TLE4: variants seen among roughly 807,000 people sequenced by gnomAD.
The protein encoded by TLE4 is TLE family member 4, transcriptional corepressor.
A neutral mutation model predicts 92.8 loss-of-function variants in TLE4; 8 were observed. The observed-to-expected ratio is 0.09, with a 90% CI of 0.05 to 0.16. The LOEUF is 0.16. Among genes scored for constraint, TLE4 ranks in the 10% least tolerant of loss-of-function variants. The pLI is 1.00. For missense variants in TLE4, 675 were observed against 997.6 expected, an observed-to-expected ratio of 0.68 and a Z score of 4.36; for synonymous variants, 371 against 374.1, an observed-to-expected ratio of 0.99 and a Z score of 0.10.
At chr9:79,700,512 G>T (rs1273316597) in intron 8 of TLE4, among the ~76,000 whole-genome samples, 1 of 152,152 alleles carries the variant, frequency 6.6e-6, no homozygotes, top group East Asian at 1.9e-4. Flanking sequence ...TAAAGTCTGG[G>T]ATGGTCTTTA....
intron 13 of TLE4, 37 bp from the exon 14 acceptor site, chr9:79,709,586 G>C (rs757876183): frequency 6.3e-7 from 1 of 1,583,416 alleles, no homozygotes; most frequent in African/African-American, 1.3e-5. Context: ...AAATGTAACT[G>C]TGCTTATTTC....
chr9:79,649,965 G>T, intron 6 of TLE4: 5 of 1,040,538 alleles, frequency 4.8e-6, no homozygotes, highest in Non-Finnish European at 6.4e-6. Flanking sequence ...ACACAGGCTG[G>T]GATGCAGTAG....
chr9:79,664,133 C>T (rs925286823), intron 8 of TLE4, among the ~76,000 whole-genome samples: 2 of 152,188 alleles, frequency 1.3e-5, no homozygotes, highest in Non-Finnish European at 2.9e-5. Flanking sequence ...CTGGAGCAGT[C>T]CCCAGGGCCT....
At chr9:79,715,307 T>C (rs1373106263) in intron 14 of TLE4, among the ~76,000 whole-genome samples, 1 of 152,208 alleles carries the variant, frequency 6.6e-6, no homozygotes, top group Non-Finnish European at 1.5e-5. Context: ...TTTCTCTTCC[T>C]TTAAGATTTA....
intron 8 of TLE4, among the ~76,000 whole-genome samples, chr9:79,673,920 AT>A (rs1175809269): frequency 6.6e-6 from 1 of 151,786 alleles, no homozygotes; most frequent in African/African-American, 2.4e-5. Context: ...CTGGGGGGTG[AT>A]TTTGTAGGGC....
At chr9:79,653,728 C>T (rs1452066043) in intron 7 of TLE4, among the ~76,000 whole-genome samples, 1 of 152,134 alleles carries the variant, frequency 6.6e-6, no homozygotes, top group Admixed American at 6.5e-5. Flanking sequence ...ATATTAAAAA[C>T]ACTGTAATTT....
At chr9:79,674,395 T>A (rs1039489137) in intron 8 of TLE4, among the ~76,000 whole-genome samples, 6 of 152,154 alleles carry the variant, frequency 3.9e-5, no homozygotes, top group African/African-American at 1.4e-4. Flanking sequence ...TAGGATTCAG[T>A]TAGTCTTCAG....
rs1258681912 is a variant in TLE4, at chr9:79,572,107, C to T, written c.-684C>T. The T allele has an allele frequency of 6.6e-6, 1 of 151,132 alleles. No individual in the cohort carries two copies. Among genetic ancestry groups the T allele is most frequent in the African/African-American group, 2.4e-5 (1 of 41,068 alleles). The allele number at this position is 151,132 out of a possible 1,614,324, so 9.4% of individuals were successfully genotyped here. A position where few individuals can be genotyped will look rare whatever the true frequency, so the allele number is the denominator to read the frequency against. ...GAGAATTAAAAAAAAAAGCCGCAAGCGTTTCACTCTTTTATTTTTATAATC... is the reference window on the plus strand; with the variant it reads ...GAGAATTAAAAAAAAAAGCCGCAAGTGTTTCACTCTTTTATTTTTATAATC... On this transcript the variant is annotated 5_prime_UTR_variant, in exon 1 of 20. Transcript: ENST00000376552.
chr9:79,659,766 C>T (rs957116228), intron 8 of TLE4, among the ~76,000 whole-genome samples: 29 of 152,002 alleles, frequency 1.9e-4, no homozygotes, highest in African/African-American at 7.0e-4. Flanking sequence ...TCAGGGATAC[C>T]ACCTAATAAG....
chr9:79,717,931 C>T, intron 14 of TLE4: 1 of 456,036 alleles, frequency 2.2e-6, no homozygotes, highest in South Asian at 1.6e-5. Context: ...CCCTTCCTGA[C>T]TTCAGTGCCC....
At chr9:79,573,124 G>C (rs949891676) in intron 1 of TLE4, 27 of 645,172 alleles carry the variant, frequency 4.2e-5, no homozygotes, top group East Asian at 1.3e-4. Flanking sequence ...ACTCCTCGAG[G>C]GGGGGTGGCG....
Position 79,652,675 on chromosome 9 carries a change from C to A in TLE4, c.473C>A (p.Pro158His). ...CCACACCCTTCAGGGCTCCAGCCCC[C>A]TGCCATTCCACCCATCGGTAGCAGT... ...LTPHPSGLQP[P>H]AIPPIGSSAG... Residue 158 changes from proline (P) to histidine (H), a missense_variant, in exon 7 of 20, where the codon CCT (proline) becomes CAT (histidine). Physicochemically the swap from Pro to His is moderately conservative, Grantham distance 77 (BLOSUM62 -2). Coordinates refer to ENST00000376552, the MANE Select transcript of TLE4 (RefSeq NM_007005.6). 2 of 1,614,208 alleles carry A rather than the reference C, an allele frequency of 1.2e-6. No individual in the cohort carries two copies. Among genetic ancestry groups the A allele is most frequent in the Non-Finnish European group, 1.7e-6 (2 of 1,180,036 alleles).
At chr9:79,641,840 C>T (rs2057208228) in intron 6 of TLE4, among the ~76,000 whole-genome samples, 1 of 152,116 alleles carries the variant, frequency 6.6e-6, no homozygotes, top group East Asian at 1.9e-4. Flanking sequence ...CTGACTCTCT[C>T]ACCTAGGAGA....
chr9:79,708,962 G>A (rs973112140), intron 13 of TLE4, among the ~76,000 whole-genome samples, 176 bp downstream of exon 13: 1 of 152,084 alleles, frequency 6.6e-6, no homozygotes, highest in Non-Finnish European at 1.5e-5. Context: ...CTCTCAAGTA[G>A]CTCGAAAAAA....
intron 6 of TLE4, among the ~76,000 whole-genome samples, chr9:79,631,880 G>T (rs116303967): frequency 2.6e-5 from 4 of 152,118 alleles, no homozygotes; most frequent in Non-Finnish European, 5.9e-5. Flanking sequence ...AAAAATGTGT[G>T]TGTGTGTGTT....
At chr9:79,628,374 C>A (rs1448451647) in intron 6 of TLE4, among the ~76,000 whole-genome samples, 1 of 151,470 alleles carries the variant, frequency 6.6e-6, no homozygotes, top group South Asian at 2.1e-4. Flanking sequence ...CGTTTACTTT[C>A]ATTAAAATTC....
At chr9:79,597,727 G>T (rs1176202929) in intron 4 of TLE4, among the ~76,000 whole-genome samples, 3 of 152,018 alleles carry the variant, frequency 2.0e-5, no homozygotes, top group Non-Finnish European at 4.4e-5. Context: ...AGGTCTTCTG[G>T]TATCAACTCC....
chr9:79,718,693 T>C (rs755742936), intron 14 of TLE4, 29 bp from the exon 15 acceptor site: 2 of 1,590,348 alleles, frequency 1.3e-6, no homozygotes, highest in African/African-American at 1.3e-5. Flanking sequence ...TACATTCCCC[T>C]CTTTCTTTTT....
intron 8 of TLE4, among the ~76,000 whole-genome samples, chr9:79,655,091 G>A (rs536150495): frequency 2.6e-5 from 4 of 152,272 alleles, no homozygotes; most frequent in South Asian, 2.1e-4. Context: ...GCAGTGAGCC[G>A]AGATCATGCC....
Sources: gnomAD v4.1 joint callset for allele counts (sites outside exome capture counted in the v4.1 genomes callset) on GRCh38, gnomAD v4.1.1 for gene constraint, MANE v1.5 for transcripts, NCBI Gene and HGNC (gene_info 2026-07-23, HGNC 2026-07-21) for gene names.